GTF2F2: variants seen among roughly 807,000 people sequenced by gnomAD.
The protein encoded by GTF2F2 is ATP-dependent helicase GTF2F2.
A neutral mutation model predicts 42.2 loss-of-function variants in GTF2F2; 23 were observed. The ratio of observed to expected loss-of-function variants is 0.55; its 90% CI spans 0.39 to 0.77. The LOEUF (loss-of-function observed/expected upper bound fraction) is 0.77. Ranked by LOEUF, GTF2F2 falls within the 30% of genes least tolerant of loss-of-function variation. GTF2F2 has a pLI of 0.00. For synonymous variants in GTF2F2, 105 were observed against 100.8 expected (o/e 1.04, Z -0.25); for missense variants, 261 against 287.2 (o/e 0.91, Z 0.66).
chr13:45,253,294 C>G (rs1177399546), intron 6 of GTF2F2, among the ~76,000 whole-genome samples: 1 of 152,080 alleles, frequency 6.6e-6, no homozygotes, highest in Non-Finnish European at 1.5e-5. Context: ...AATGTACTAA[C>G]TAAATATTAG....
chr13:45,145,507 A>T (rs1319268080), intron 2 of GTF2F2, among the ~76,000 whole-genome samples: 1 of 152,132 alleles, frequency 6.6e-6, no homozygotes, highest in Non-Finnish European at 1.5e-5. Context: ...GAGCATATGT[A>T]CACACACACA....
chr13:45,205,895 G>C (rs1873393066), intron 4 of GTF2F2, among the ~76,000 whole-genome samples: 1 of 152,080 alleles, frequency 6.6e-6, no homozygotes, highest in Non-Finnish European at 1.5e-5. Flanking sequence ...TGATATATCA[G>C]ATTTTCCCAA....
intron 6 of GTF2F2, among the ~76,000 whole-genome samples, chr13:45,260,966 A>C (rs1420754825): frequency 1.3e-5 from 2 of 152,160 alleles, no homozygotes; most frequent in Non-Finnish European, 2.9e-5. Context: ...TCTCTAATAA[A>C]AATACAAAAA....
At chr13:45,185,708 A>G (rs1280582213) in intron 4 of GTF2F2, among the ~76,000 whole-genome samples, 1 of 152,238 alleles carries the variant, frequency 6.6e-6, no homozygotes, top group Non-Finnish European at 1.5e-5. Context: ...ATAAATGTAT[A>G]CAAATTTTAT....
At position 45,159,097 on chromosome 13, in the gene GTF2F2, C is replaced by G. The variant is rs1192432152; in HGVS notation, c.304+7266C>G. On this transcript the variant is annotated intron_variant, in intron 4 of 7. Transcript: ENST00000340473. ...TAGCTTAGTACCATATTCTGTGACA[C>G]TTGGTTAGCCACTCTACATATTGTC... Among the ~76,000 whole-genome samples, 3 of 152,200 alleles carry G rather than the reference C, an allele frequency of 2.0e-5. No individual in the cohort carries two copies. The East Asian group carries it at 5.8e-4, about 29-fold the overall frequency.
chr13:45,197,430 G>A (rs12866139), intron 4 of GTF2F2, among the ~76,000 whole-genome samples: 1 of 150,440 alleles, frequency 6.6e-6, no homozygotes, highest in Admixed American at 6.7e-5. Context: ...AATCGCCTGA[G>A]CCCGGGAGGT....
intron 1 of GTF2F2, among the ~76,000 whole-genome samples, chr13:45,127,096 C>T (rs1869048208): frequency 6.6e-6 from 1 of 152,120 alleles, no homozygotes; most frequent in Admixed American, 6.5e-5. Context: ...TAGGCCGGGA[C>T]TTCTGGGAAG....
intron 2 of GTF2F2, among the ~76,000 whole-genome samples, chr13:45,145,817 G>A (rs1216526471): frequency 6.6e-6 from 1 of 152,024 alleles, no homozygotes; most frequent in African/African-American, 2.4e-5. Flanking sequence ...TGCCACTTTT[G>A]CTGTCCTCCA....
chr13:45,282,499 CTTTA>C (rs1212516638), intron 7 of GTF2F2, among the ~76,000 whole-genome samples: 3 of 152,084 alleles, frequency 2.0e-5, no homozygotes, highest in Non-Finnish European at 4.4e-5. Context: ...CTTCTTATCA[CTTTA>C]TTTATTTATT....
intron 2 of GTF2F2, among the ~76,000 whole-genome samples, chr13:45,144,751 A>G (rs1291186935): frequency 6.6e-6 from 1 of 152,086 alleles, no homozygotes; most frequent in Non-Finnish European, 1.5e-5. Context: ...ATTCTGGGTC[A>G]TGTGGGGACC....
intron 2 of GTF2F2, among the ~76,000 whole-genome samples, chr13:45,139,460 ATTC>A (rs1392894796): frequency 6.6e-6 from 1 of 152,136 alleles, no homozygotes; most frequent in Non-Finnish European, 1.5e-5. Flanking sequence ...AATAATTGCT[ATTC>A]TTCTGTTTTT....
chr13:45,250,752 C>T (rs1875844911), intron 5 of GTF2F2, among the ~76,000 whole-genome samples: 1 of 152,108 alleles, frequency 6.6e-6, no homozygotes, highest in Non-Finnish European at 1.5e-5. Context: ...TTGTGCTGCA[C>T]CCCGAGAATA....
chr13:45,136,711 T>C (rs759047531), intron 1 of GTF2F2, 22 bp from the exon 2 acceptor site: 36 of 1,272,998 alleles, frequency 2.8e-5, no homozygotes, highest in Non-Finnish European at 4.0e-5. Flanking sequence ...AATAGACTTA[T>C]TAGTGTTTTA....
At chr13:45,230,924 G>GT (rs553522537) in intron 5 of GTF2F2, among the ~76,000 whole-genome samples, 189 of 151,470 alleles carry the variant, frequency 1.2e-3, no homozygotes, top group Middle Eastern at 6.8e-3. Flanking sequence ...CTTTTGTGGG[G>GT]TTTTTTTTGC....
intron 2 of GTF2F2, among the ~76,000 whole-genome samples, chr13:45,145,364 C>A (rs1335538905): frequency 7.2e-5 from 11 of 152,144 alleles, no homozygotes. Flanking sequence ...TCTGCCTAAG[C>A]CCTGGAGTTA....
At chr13:45,250,798 A>G (rs577838779) in intron 5 of GTF2F2, among the ~76,000 whole-genome samples, 1 of 152,216 alleles carries the variant, frequency 6.6e-6, no homozygotes, top group South Asian at 2.1e-4. Context: ...ATCTAAATCC[A>G]TCCTTGGGTT....
intron 3 of GTF2F2, among the ~76,000 whole-genome samples, chr13:45,150,057 C>T (rs572837227): frequency 3.6e-4 from 55 of 152,202 alleles, no homozygotes; most frequent in African/African-American, 1.3e-3. Flanking sequence ...TTTACTAATA[C>T]GTTAGTATTA....
chr13:45,212,628 C>T (rs1449917885), intron 5 of GTF2F2, among the ~76,000 whole-genome samples: 1 of 150,028 alleles, frequency 6.7e-6, no homozygotes, highest in African/African-American at 2.5e-5. Flanking sequence ...TGCAGTGGAG[C>T]GATCTCCGCT....
chr13:45,139,000 G>A (rs1484296445), intron 2 of GTF2F2, among the ~76,000 whole-genome samples: 1 of 152,290 alleles, frequency 6.6e-6, no homozygotes, highest in East Asian at 1.9e-4. Context: ...TCATTAGAGT[G>A]ACAGACAAGC....
Sources: gnomAD v4.1 joint callset for allele counts (sites outside exome capture counted in the v4.1 genomes callset) on GRCh38, gnomAD v4.1.1 for gene constraint, MANE v1.5 for transcripts, NCBI Gene and HGNC (gene_info 2026-07-23, HGNC 2026-07-21) for gene names.